Variants in DCLK1 observed in about 807,000 individuals in gnomAD.
DCLK1 encodes serine/threonine-protein kinase DCLK1.
Under a neutral mutation model 86.2 loss-of-function variants are expected in DCLK1, and 16 were observed. That is an observed-to-expected ratio of 0.19 (90% CI 0.13 to 0.28). The LOEUF (loss-of-function observed/expected upper bound fraction) is 0.28, where lower values mean the gene tolerates loss of function less well. DCLK1 is among the 10% of genes least tolerant of loss of function. The probability of loss-of-function intolerance (pLI) is 1.00; values close to 1 mark genes in which losing one functional copy is unlikely to be tolerated. For missense variants in DCLK1, 590 were observed against 940.2 expected (o/e 0.63, Z 4.87); for synonymous variants, 369 against 370.5 (o/e 1.00, Z 0.05).
intron 4 of DCLK1, among the ~76,000 whole-genome samples, chr13:35,880,963 A>G (rs1419596524): frequency 6.6e-6 from 1 of 152,180 alleles, no homozygotes; most frequent in Non-Finnish European, 1.5e-5. Flanking sequence ...TATGTTCCAC[A>G]TTGTTCAGCC....
intron 4 of DCLK1, among the ~76,000 whole-genome samples, chr13:35,894,876 T>C (rs890092250): frequency 6.6e-6 from 1 of 152,222 alleles, no homozygotes; most frequent in African/African-American, 2.4e-5. Flanking sequence ...GTAATGATGA[T>C]TAACAAAAGA....
At chr13:35,901,009 T>C (rs1447240280) in intron 4 of DCLK1, among the ~76,000 whole-genome samples, 1 of 151,958 alleles carries the variant, frequency 6.6e-6, no homozygotes, top group Non-Finnish European at 1.5e-5. Context: ...TTAAGGCAGG[T>C]GTTGAGACAG....
At chr13:35,871,150 A>T in intron 5 of DCLK1, 74 bp downstream of exon 5, 2 of 1,245,302 alleles carry the variant, frequency 1.6e-6, no homozygotes, top group South Asian at 2.5e-5. Flanking sequence ...CTCACACTCT[A>T]GGCTTCACAC....
chr13:36,130,929 C>T (rs1191761594), intron 1 of DCLK1, among the ~76,000 whole-genome samples, 185 bp downstream of exon 1: 2 of 151,964 alleles, frequency 1.3e-5, no homozygotes, highest in African/African-American at 4.8e-5. Context: ...GCAACGCCCC[C>T]GGGTCGGGCC....
chr13:36,025,943 A>G (rs1406922904), intron 3 of DCLK1, among the ~76,000 whole-genome samples: 1 of 152,144 alleles, frequency 6.6e-6, no homozygotes, highest in Admixed American at 6.5e-5. Context: ...GATAATTAGG[A>G]CTTGATCTAG....
chr13:35,855,860 G>A, intron 5 of DCLK1: 1 of 1,144,768 alleles, frequency 8.7e-7, no homozygotes, highest in Non-Finnish European at 1.1e-6. Flanking sequence ...TCATAATGAA[G>A]TGGCCCTGGG....
chr13:36,076,081 T>C (rs1048804041), intron 3 of DCLK1, among the ~76,000 whole-genome samples: 3 of 152,198 alleles, frequency 2.0e-5, no homozygotes, highest in Non-Finnish European at 2.9e-5. Context: ...TTGCATTTCT[T>C]ATTCTCATCA....
chr13:35,801,562 A>G (rs941877131), intron 15 of DCLK1, among the ~76,000 whole-genome samples: 3 of 151,458 alleles, frequency 2.0e-5, no homozygotes, highest in African/African-American at 7.3e-5. Context: ...CCCTGCTTTT[A>G]GAAAATGCCT....
chr13:36,058,481 G>A (rs752560064), intron 3 of DCLK1, among the ~76,000 whole-genome samples: 1 of 152,296 alleles, frequency 6.6e-6, no homozygotes, highest in African/African-American at 2.4e-5. Flanking sequence ...TAACATCAGA[G>A]GTAAGTCTGG....
chr13:36,069,303 G>A (rs1479518645), intron 3 of DCLK1, among the ~76,000 whole-genome samples: 11 of 152,102 alleles, frequency 7.2e-5, no homozygotes, highest in African/African-American at 1.2e-4. Flanking sequence ...GAATCCAAGC[G>A]ATATTAAATT....
In DCLK1 at chr13:36,052,313, A is replaced by T. The variant is rs551221943; in HGVS notation, c.723+59556T>A. Among the ~76,000 whole-genome samples, 91 of 152,268 alleles carry T rather than the reference A, an allele frequency of 6.0e-4. 1 individual carries two copies. Among genetic ancestry groups the T allele is most frequent in the Middle Eastern group, 6.8e-3 (2 of 294 alleles). On this transcript the variant is annotated intron_variant, in intron 3 of 16. Transcript: ENST00000360631. ...ACGAGAAAATCATCTCACTACTCTT[A>T]GCAATGACAAGATCATTACCCTACA... is the stretch of plus-strand genomic sequence containing the variant.
intron 3 of DCLK1, among the ~76,000 whole-genome samples, chr13:36,078,670 A>C (rs1476335588): frequency 1.3e-5 from 2 of 152,218 alleles, no homozygotes; most frequent in African/African-American, 4.8e-5. Context: ...AAACACCACC[A>C]GTTGCAGTCT....
At chr13:35,789,897 CA>C (rs2086684278) in intron 16 of DCLK1, among the ~76,000 whole-genome samples, 2 of 147,766 alleles carry the variant, frequency 1.4e-5, no homozygotes, top group East Asian at 3.9e-4. Flanking sequence ...TTTTTTTTTT[CA>C]AATCCCCCAA....
At position 35,809,010 on chromosome 13, in the gene DCLK1, GC is replaced by G; in HGVS notation, c.1766+7del. The G allele has an allele frequency of 6.2e-7, 1 of 1,609,316 alleles. No homozygotes were observed. The highest frequency in any genetic ancestry group is 8.5e-7 in the Non-Finnish European group (1 of 1,176,602). ...TGTCGGCGCTGAATAAAAGATTGTT[GC>G]CCATACCCACGGAATGGAGGGAAAC... On this transcript the variant is annotated splice_region_variant and intron_variant, in intron 13 of 16. Coordinates refer to ENST00000360631, the MANE Select transcript of DCLK1 (RefSeq NM_001330071.2).
At position 35,966,657 on chromosome 13, in the gene DCLK1, G is replaced by A. The variant is rs548302011; in HGVS notation, c.724-19200C>T. On this transcript the variant is annotated intron_variant, in intron 3 of 16. Transcript: ENST00000360631. ...GTGCCTGGGATTGCAGGCGCGCACCGCCACGCCTGACTGGTTTTCGTATTT... is the reference window on the plus strand; with the variant it reads ...GTGCCTGGGATTGCAGGCGCGCACCACCACGCCTGACTGGTTTTCGTATTT... Among the ~76,000 whole-genome samples, 1,434 of 152,032 alleles carry A rather than the reference G, an allele frequency of 9.4e-3. 24 individuals are homozygous for A. The highest frequency in any genetic ancestry group is 0.03 in the African/African-American group (1,248 of 41,468).
At chr13:35,895,692 A>G (rs1458396646) in intron 4 of DCLK1, among the ~76,000 whole-genome samples, 5 of 152,096 alleles carry the variant, frequency 3.3e-5, no homozygotes, top group Non-Finnish European at 7.4e-5. Context: ...TTATAAAAAA[A>G]CTAACCATTT....
At chr13:35,834,732 G>A (rs934700680) in intron 8 of DCLK1, among the ~76,000 whole-genome samples, 1 of 152,148 alleles carries the variant, frequency 6.6e-6, no homozygotes, top group Non-Finnish European at 1.5e-5. Context: ...AGAGGAGAAC[G>A]GTGGCCTGGC....
intron 6 of DCLK1, chr13:35,846,078 C>G: frequency 1.0e-6 from 1 of 985,350 alleles, no homozygotes; most frequent in South Asian, 4.7e-5. Context: ...TTTGTCAACC[C>G]TTAGCTCTAT....
chr13:36,040,445 T>C (rs1882662131), intron 3 of DCLK1, among the ~76,000 whole-genome samples: 1 of 147,886 alleles, frequency 6.8e-6, no homozygotes, highest in African/African-American at 2.5e-5. Flanking sequence ...GATTATAGGA[T>C]TTGGGGAGGA....
Sources: gnomAD v4.1 joint callset for allele counts (sites outside exome capture counted in the v4.1 genomes callset) on GRCh38, gnomAD v4.1.1 for gene constraint, MANE v1.5 for transcripts, NCBI Gene and HGNC (gene_info 2026-07-23, HGNC 2026-07-21) for gene names.